Variants in PHKB observed in about 807,000 individuals in gnomAD.
PHKB encodes the protein phosphorylase b kinase regulatory subunit beta.
PHKB carries 122 observed loss-of-function variants against 152.1 expected under a neutral mutation model. The ratio of observed to expected loss-of-function variants is 0.80; its 90% CI spans 0.69 to 0.93. PHKB has a LOEUF of 0.93. PHKB is among the 40% of genes least tolerant of loss of function. The pLI, the probability that PHKB is intolerant of heterozygous loss-of-function variation, is 0.00. For missense variants in PHKB, 1,304 were observed against 1,328.4 expected, an observed-to-expected ratio of 0.98 and a Z score of 0.29; for synonymous variants, 436 against 464.9, an observed-to-expected ratio of 0.94 and a Z score of 0.80.
chr16:47,629,468 A>T (rs1445026116), intron 14 of PHKB, among the ~76,000 whole-genome samples: 1 of 151,922 alleles, frequency 6.6e-6, no homozygotes, highest in Non-Finnish European at 1.5e-5. Flanking sequence ...TCAAAACCAC[A>T]ATGAGATACC....
At chr16:47,639,764 A>G (rs1972984789) in intron 14 of PHKB, among the ~76,000 whole-genome samples, 1 of 152,172 alleles carries the variant, frequency 6.6e-6, no homozygotes, top group Non-Finnish European at 1.5e-5. Flanking sequence ...TTATTTAAGA[A>G]TCCCACAACT....
chr16:47,545,557 G>A (rs190428766), intron 6 of PHKB, among the ~76,000 whole-genome samples: 394 of 152,134 alleles, frequency 2.6e-3, no homozygotes, highest in African/African-American at 9.0e-3. Context: ...TGGTGAATTT[G>A]ACAATTATGT....
intron 3 of PHKB, among the ~76,000 whole-genome samples, chr16:47,500,145 C>T (rs1293740359): frequency 2.0e-5 from 3 of 151,972 alleles, no homozygotes; most frequent in East Asian, 3.9e-4. Flanking sequence ...TCAAGCAATT[C>T]TGCTGCCTCA....
chr16:47,649,091 C>T lies in PHKB; in HGVS notation c.1693-9C>T, dbSNP rs778675386. Reference sequence around the variant, plus strand: ...TTAGTTATTTGTTTTAAAACTTTTTCCCTTACAGATTTATCGCATTCTAGG... The same window carrying T: ...TTAGTTATTTGTTTTAAAACTTTTTTCCTTACAGATTTATCGCATTCTAGG... On this transcript the variant is annotated splice_polypyrimidine_tract_variant and intron_variant, in intron 17 of 30. Coordinates refer to ENST00000323584, the MANE Select transcript of PHKB (RefSeq NM_000293.3). 7 of 1,500,914 alleles carry T rather than the reference C, an allele frequency of 4.7e-6. No homozygotes were observed. Among genetic ancestry groups the T allele is most frequent in the Non-Finnish European group, 6.5e-6 (7 of 1,076,990 alleles). The allele number at this position is 1,500,914 out of a possible 1,614,324, so 93.0% of individuals were successfully genotyped here.
intron 14 of PHKB, among the ~76,000 whole-genome samples, 176 bp downstream of exon 14, chr16:47,611,096 A>G (rs1972420111): frequency 6.6e-6 from 1 of 152,222 alleles, no homozygotes; most frequent in South Asian, 2.1e-4. Context: ...ATGAGGAAGT[A>G]GATTTCAGAT....
intron 13 of PHKB, among the ~76,000 whole-genome samples, chr16:47,601,549 CA>C (rs1218077168): frequency 6.6e-6 from 1 of 151,618 alleles, no homozygotes; most frequent in Non-Finnish European, 1.5e-5. Flanking sequence ...ACTAAAAATA[CA>C]AAAAATTAGC....
intron 8 of PHKB, among the ~76,000 whole-genome samples, chr16:47,581,214 G>C (rs1441936894): frequency 6.6e-6 from 1 of 152,148 alleles, no homozygotes; most frequent in African/African-American, 2.4e-5. Context: ...CTCAAGTCTT[G>C]AATTTAAGAA....
At chr16:47,525,016 G>T (rs1229244582) in intron 6 of PHKB, among the ~76,000 whole-genome samples, 2 of 151,954 alleles carry the variant, frequency 1.3e-5, no homozygotes, top group Non-Finnish European at 2.9e-5. Flanking sequence ...TTGAAAAGTG[G>T]CTATTACTTT....
Position 47,641,076 on chromosome 16 carries a change from A to C in PHKB, c.1500A>C (p.Ile500=). 3 of 1,613,986 alleles carry C rather than the reference A, an allele frequency of 1.9e-6. No individual in the cohort carries two copies. Among genetic ancestry groups the C allele is most frequent in the Non-Finnish European group, 2.5e-6 (3 of 1,179,900 alleles). The change falls in exon 15 of 31, where the codon ATA becomes ATC. Residue 500 remains isoleucine (I), a synonymous_variant. Coordinates refer to ENST00000323584, the MANE Select transcript of PHKB (RefSeq NM_000293.3). ...ENDLVVHVAL[I]AESQRLQVFL... The stretch of plus-strand genomic sequence containing the variant: ...ACTTGGTAGTTCATGTGGCACTTAT[A>C]GCAGAAAGCCAAAGGTATGAAATCC...
At position 47,577,061 on chromosome 16, in the gene PHKB, AT is replaced by A. The variant is rs534770935; in HGVS notation, c.711-3227del. Among the ~76,000 whole-genome samples, 6 of 150,706 alleles carry A rather than the reference AT, an allele frequency of 4.0e-5. No homozygotes were observed. The South Asian group carries it at 1.3e-3, about 32-fold the overall frequency. ...TAACTTAGCTGATGCCATTTTATTG[AT>A]TTTTTTGTTTGTTTATTCTATTTTT... On this transcript the variant is annotated intron_variant, in intron 7 of 30. Transcript: ENST00000323584.
At chr16:47,629,426 G>C (rs1279312277) in intron 14 of PHKB, among the ~76,000 whole-genome samples, 22 of 151,708 alleles carry the variant, frequency 1.5e-4, no homozygotes, top group Non-Finnish European at 2.4e-4. Flanking sequence ...TGAAAAAATG[G>C]TCATCATCAC....
chr16:47,470,556 T>C (rs1466137322), intron 1 of PHKB, among the ~76,000 whole-genome samples: 2 of 152,200 alleles, frequency 1.3e-5, no homozygotes, highest in Non-Finnish European at 2.9e-5. Context: ...TATGGCCAGA[T>C]TTTGGGGGCC....
intron 6 of PHKB, among the ~76,000 whole-genome samples, chr16:47,545,735 C>T (rs778649886): frequency 3.0e-4 from 45 of 152,290 alleles, no homozygotes; most frequent in African/African-American, 6.3e-4. Context: ...ACGAATCAAA[C>T]GTAGATTTGG....
intron 7 of PHKB, among the ~76,000 whole-genome samples, chr16:47,555,569 A>G (rs561863742): frequency 1.3e-5 from 2 of 152,338 alleles, no homozygotes; most frequent in African/African-American, 2.4e-5. Flanking sequence ...AAATCAGTCA[A>G]TGTTCTATTG....
intron 3 of PHKB, 59 bp from the exon 4 acceptor site, chr16:47,502,932 C>T: frequency 1.9e-6 from 2 of 1,073,614 alleles, no homozygotes; most frequent in Non-Finnish European, 2.9e-6. Context: ...TTATCAAAAG[C>T]TCTGCTTCCT....
At chr16:47,681,273 A>C (rs139307489) in intron 26 of PHKB, among the ~76,000 whole-genome samples, 9,294 of 144,282 alleles carry the variant, frequency 0.064, 550 homozygotes, top group Admixed American at 0.14. Context: ...AGTTCTGTAG[A>C]TGTCTATTAG....
At position 47,693,458 on chromosome 16, in the gene PHKB, T is replaced by A; in HGVS notation, c.2846T>A (p.Leu949Gln). ...TTCTATGACCGAGTGTGGCAGATTCTGGAGCGCACGCCCAATGGGATCATT... is the reference window on the plus strand; with the variant it reads ...TTCTATGACCGAGTGTGGCAGATTCAGGAGCGCACGCCCAATGGGATCATT... ...TGFYDRVWQI[L>Q]ERTPNGIIVA... Residue 949 changes from leucine (L) to glutamine (Q), a missense_variant, in exon 28 of 31, where the codon CTG becomes CAG. Leu to Gln is a moderately radical substitution (Grantham distance 113, BLOSUM62 -2). Transcript: ENST00000323584. 6.2e-7 allele frequency: 1 copy of A among 1,614,110 alleles called. No homozygotes were observed. The highest frequency in any genetic ancestry group is 8.5e-7 in the Non-Finnish European group (1 of 1,180,008).
At chr16:47,541,737 C>G (rs2151668585) in intron 6 of PHKB, among the ~76,000 whole-genome samples, 1 of 152,342 alleles carries the variant, frequency 6.6e-6, no homozygotes, top group South Asian at 2.1e-4. Flanking sequence ...TTGCATTTCT[C>G]TGACGACCAG....
chr16:47,678,712 C>T (rs1228775894), intron 26 of PHKB, among the ~76,000 whole-genome samples: 2 of 151,666 alleles, frequency 1.3e-5, no homozygotes, highest in African/African-American at 4.8e-5. Flanking sequence ...TTCTCCCATT[C>T]TGTAGGTTGC....
Sources: allele counts gnomAD v4.1 joint callset (sites outside exome capture counted in the v4.1 genomes callset), GRCh38; gene constraint gnomAD v4.1.1; transcripts MANE v1.5; gene names NCBI Gene and HGNC (gene_info 2026-07-23, HGNC 2026-07-21).